The following ABI3BP variants were observed in gnomAD, a reference collection of about 807,000 sequenced individuals.
The protein encoded by ABI3BP is ABI family member 3 binding protein.
Under a neutral mutation model 268.6 loss-of-function variants are expected in ABI3BP, and 216 were observed. The observed-to-expected ratio is 0.80, with a 90% confidence interval of 0.72 to 0.90. The LOEUF (loss-of-function observed/expected upper bound fraction) is 0.90, where lower values mean the gene tolerates loss of function less well. Among genes scored for constraint, ABI3BP ranks in the 40% least tolerant of loss-of-function variants. The pLI, the probability that ABI3BP is intolerant of heterozygous loss-of-function variation, is 0.00. For missense variants in ABI3BP, 2,090 were observed against 2,182.4 expected (o/e 0.96, Z 0.84); for synonymous variants, 730 against 730.0 (o/e 1.00, Z 0.00).
chr3:100,912,067 T>C, intron 2 of ABI3BP: 6 of 717,994 alleles, frequency 8.4e-6, no homozygotes, highest in Non-Finnish European at 1.5e-5. Flanking sequence ...ATTCTTGCCT[T>C]CATCTTTTAC....
chr3:100,915,025 C>T (rs1197523672), intron 2 of ABI3BP, among the ~76,000 whole-genome samples: 2 of 152,114 alleles, frequency 1.3e-5, no homozygotes, highest in African/African-American at 4.8e-5. Flanking sequence ...AAAAAGAGTG[C>T]CATTGAAGGC....
intron 6 of ABI3BP, among the ~76,000 whole-genome samples, chr3:100,877,643 G>A (rs1472218356): frequency 2.0e-5 from 3 of 152,186 alleles, no homozygotes; most frequent in East Asian, 3.8e-4. Context: ...GGGACACAGG[G>A]TAGGTGAGGA....
intron 2 of ABI3BP, among the ~76,000 whole-genome samples, chr3:100,917,398 G>C (rs1038019908): frequency 6.6e-6 from 1 of 152,038 alleles, no homozygotes; most frequent in Non-Finnish European, 1.5e-5. Flanking sequence ...ATAATATATG[G>C]ATAATCAGGA....
chr3:100,915,624 C>T lies in ABI3BP; in HGVS notation c.259+10678G>A, dbSNP rs138147547. On this transcript the variant is annotated intron_variant, in intron 2 of 67. Transcript: ENST00000471714. ...TAAGAACCCAGGCTCCAAGACTCTG[C>T]GCCTGCTCTGTTGTCTGATAGGACC... is the stretch of plus-strand genomic sequence containing the variant. 4.3e-3 allele frequency among the ~76,000 whole-genome samples: 660 copies of T among 152,302 alleles called. 2 individuals carry two copies. The highest frequency in any genetic ancestry group is 0.015 in the African/African-American group (609 of 41,562).
intron 14 of ABI3BP, among the ~76,000 whole-genome samples, chr3:100,853,949 G>T (rs966882142): frequency 6.6e-6 from 1 of 152,134 alleles, no homozygotes; most frequent in Non-Finnish European, 1.5e-5. Flanking sequence ...TAAAAAGAGT[G>T]CTAAAAAGCC....
intron 9 of ABI3BP, among the ~76,000 whole-genome samples, chr3:100,869,155 G>A (rs2099082304): frequency 6.6e-6 from 1 of 151,688 alleles, no homozygotes; most frequent in Non-Finnish European, 1.5e-5. Flanking sequence ...TTTCACAGGC[G>A]ATGCTCTCAA....
At chr3:100,823,593 C>T (rs2098289200) in intron 36 of ABI3BP, 79 bp from the exon 37 acceptor site, 1 of 1,066,626 alleles carries the variant, frequency 9.4e-7, no homozygotes, top group Non-Finnish European at 1.3e-6. Flanking sequence ...ACAAATTTTA[C>T]TGGTATGTCA....
At chr3:100,804,927 A>C (rs10511184) in intron 50 of ABI3BP, 61 bp from the exon 51 acceptor site, 250,731 of 1,352,240 alleles carry the variant, frequency 0.19, 25,520 homozygotes, top group South Asian at 0.26. Flanking sequence ...TCATGCTTAA[A>C]ACATAAGACA....
chr3:100,862,931 A>G, intron 12 of ABI3BP, 22 bp from the exon 13 acceptor site: 1 of 1,514,030 alleles, frequency 6.6e-7, no homozygotes, highest in Non-Finnish European at 8.9e-7. Context: ...CACATAAAGA[A>G]AGTTACGACC....
chr3:100,868,974 GT>G (rs1001935081), intron 9 of ABI3BP, among the ~76,000 whole-genome samples: 6 of 152,072 alleles, frequency 3.9e-5, no homozygotes, highest in Middle Eastern at 3.4e-3. Context: ...CCCACAGGAA[GT>G]TTTTTTAAAT....
chr3:100,950,371 T>C (rs1384604586), intron 1 of ABI3BP, among the ~76,000 whole-genome samples: 1 of 152,186 alleles, frequency 6.6e-6, no homozygotes, highest in Admixed American at 6.5e-5. Flanking sequence ...TACTGGAGGA[T>C]GTAGACTTGT....
intron 2 of ABI3BP, chr3:100,911,514 C>G: frequency 2.0e-6 from 1 of 498,166 alleles, no homozygotes; most frequent in Non-Finnish European, 3.7e-6. Flanking sequence ...TGCATATACT[C>G]CTTAATTCCT....
At chr3:100,981,600 C>T (rs1453366217) in intron 1 of ABI3BP, among the ~76,000 whole-genome samples, 3 of 152,064 alleles carry the variant, frequency 2.0e-5, no homozygotes, top group South Asian at 4.2e-4. Flanking sequence ...CAAGGATAGG[C>T]GGAGAAAAAA....
chr3:100,854,763 T>C (rs1262702694), intron 14 of ABI3BP, among the ~76,000 whole-genome samples: 1 of 152,176 alleles, frequency 6.6e-6, no homozygotes, highest in Non-Finnish European at 1.5e-5. Context: ...AAATAGATAA[T>C]TCAATTTACA....
chr3:100,886,883 A>G (rs2042224994), intron 4 of ABI3BP, among the ~76,000 whole-genome samples: 2 of 152,014 alleles, frequency 1.3e-5, no homozygotes, highest in Non-Finnish European at 2.9e-5. Context: ...AGTCAAATAA[A>G]AAAAGTTAAT....
At chr3:100,839,197 A>G (rs1384189677) in intron 24 of ABI3BP, among the ~76,000 whole-genome samples, 1 of 152,264 alleles carries the variant, frequency 6.6e-6, no homozygotes, top group East Asian at 1.9e-4. Context: ...GAATCAGTAA[A>G]GCAATGAAAT....
intron 14 of ABI3BP, among the ~76,000 whole-genome samples, chr3:100,861,315 T>C (rs1249419529): frequency 1.3e-5 from 2 of 152,198 alleles, no homozygotes; most frequent in Non-Finnish European, 2.9e-5. Context: ...CACCAAGATC[T>C]GTGGGGGCTC....
chr3:100,832,351 C>A lies in ABI3BP; in HGVS notation c.2315-1G>T, dbSNP rs2098507504. The A allele has an allele frequency of 1.3e-6, 2 of 1,535,200 alleles. No individual in the cohort carries two copies. The highest frequency in any genetic ancestry group is 2.4e-5 in the East Asian group (1 of 40,890). On this transcript the variant is annotated splice_acceptor_variant, in intron 30 of 67. Coordinates refer to ENST00000471714, the MANE Select transcript of ABI3BP (RefSeq NM_001375547.2). LOFTEE classifies it high-confidence loss of function. ...GTTCTTTTTGTTGTTGTTGTTGGAGCTGAAGGAAGAAAATTTAGGATTAAT... is the reference window on the plus strand; with the variant it reads ...GTTCTTTTTGTTGTTGTTGTTGGAGATGAAGGAAGAAAATTTAGGATTAAT...
At chr3:100,806,885 T>C (rs180816052) in intron 50 of ABI3BP, among the ~76,000 whole-genome samples, 9 of 152,250 alleles carry the variant, frequency 5.9e-5, no homozygotes, top group Non-Finnish European at 8.8e-5. Flanking sequence ...AATGGAAAAT[T>C]AGAGCAAGCT....
Sources: allele counts gnomAD v4.1 joint callset (sites outside exome capture counted in the v4.1 genomes callset), GRCh38; gene constraint gnomAD v4.1.1; transcripts MANE v1.5; gene names NCBI Gene and HGNC (gene_info 2026-07-23, HGNC 2026-07-21).